Variants in ULBP3 observed in about 807,000 individuals in gnomAD.
ULBP3 encodes the protein UL16-binding protein 3.
A neutral mutation model predicts 24.9 loss-of-function variants in ULBP3; 25 were observed. That is an observed-to-expected ratio of 1.00 (90% CI 0.73 to 1.40). The LOEUF (loss-of-function observed/expected upper bound fraction) is 1.40. ULBP3 is among the 40% of genes most tolerant of loss of function. The pLI is 0.00. For missense variants in ULBP3, 306 were observed against 307.5 expected (o/e 1.00, Z 0.04); for synonymous variants, 114 against 114.7 (o/e 0.99, Z 0.04).
chr6:150,065,434 A>C lies in ULBP3; in HGVS notation c.592T>G (p.Phe198Val). The stretch of plus-strand genomic sequence containing the variant: ...AGCCTCTTCTTCCTGTGCATCAGGA[A>C]GTCCCTAAGCCAGCTCTTGCAGTCT... ...MRDCKSWLRD[F>V]LMHRKKRLEP... Residue 198 changes from phenylalanine to valine, a missense_variant, in exon 3 of 5, where the codon TTC (phenylalanine) becomes GTC (valine). Transcript: ENST00000367339. The C allele has an allele frequency of 6.2e-7, 1 of 1,614,160 alleles. No homozygotes were observed. The highest frequency in any genetic ancestry group is 8.5e-7 in the Non-Finnish European group (1 of 1,180,016).
Position 150,069,003 on chromosome 6 carries a change from C to G in ULBP3, c.64G>C (p.Asp22His), listed in dbSNP as rs1359987591. 3 of 1,612,016 alleles carry G rather than the reference C, an allele frequency of 1.9e-6. No individual in the cohort carries two copies. In the Admixed American group the frequency reaches 5.0e-5, roughly 27 times the overall value. Reference protein sequence around the residue: ...RLAILPYLLFDWSGTGRADAH... With the variant: ...RLAILPYLLFHWSGTGRADAH... Reference sequence around the variant, plus strand: ...CCGGCCCGCCCCGTCCCGGACCAGTCGAATAGCAGGTACGGAAGAATCGCG... The same window carrying G: ...CCGGCCCGCCCCGTCCCGGACCAGTGGAATAGCAGGTACGGAAGAATCGCG... The change falls in exon 1 of 5, where the codon GAC becomes CAC. Residue 22 changes from aspartate to histidine, a missense_variant. By Grantham distance (81) the Asp-to-His change is moderately conservative. Transcript: ENST00000367339.
In ULBP3 at chr6:150,064,672, T is replaced by C. The variant is rs150907952; in HGVS notation, c.670A>G (p.Ile224Val). 111 of 1,614,026 alleles carry C rather than the reference T, an allele frequency of 6.9e-5. 1 individual carries two copies. The highest frequency in any genetic ancestry group is 8.8e-5 in the Non-Finnish European group (104 of 1,179,996). ...MAPGLAQPKA[I>V]ATTLSPWSFL... ...CTCCAGGGACTGAGGGTGGTGGCTA[T>C]GGCTTTGGGTTGAGCTAAGCCTGGG... The change falls in exon 4 of 5, where the codon ATA becomes GTA. Residue 224 changes from isoleucine (I) to valine (V), a missense_variant. Ile to Val is a conservative substitution (Grantham distance 29). Coordinates refer to ENST00000367339, the MANE Select transcript of ULBP3 (RefSeq NM_024518.3).
At chr6:150,066,906 G>T (rs1582866497) in intron 1 of ULBP3, among the ~76,000 whole-genome samples, 1 of 152,196 alleles carries the variant, frequency 6.6e-6, no homozygotes, top group East Asian at 1.9e-4. Context: ...TTCCTGAAAT[G>T]GGCTCCCAGT....
At chr6:150,066,724 A>C (rs1229978511) in intron 1 of ULBP3, among the ~76,000 whole-genome samples, 1 of 152,180 alleles carries the variant, frequency 6.6e-6, no homozygotes, top group Admixed American at 6.5e-5. Context: ...CCCATGCCAG[A>C]GTGACTGCAG....
chr6:150,064,739 A>T (rs754145263), intron 3 of ULBP3, 26 bp from the exon 4 acceptor site: 1 of 1,610,736 alleles, frequency 6.2e-7, no homozygotes, highest in Non-Finnish European at 8.5e-7. Flanking sequence ...AAAAGTGACA[A>T]CTCTTGTCCA....
At chr6:150,067,210 C>T (rs1048806504) in intron 1 of ULBP3, among the ~76,000 whole-genome samples, 14 of 152,164 alleles carry the variant, frequency 9.2e-5, no homozygotes, top group Non-Finnish European at 1.9e-4. Context: ...TGAGCTCCCT[C>T]GCCCAGCTTT....
Position 150,065,902 on chromosome 6 carries a change from T to C in ULBP3, c.349A>G (p.Ser117Gly), listed in dbSNP as rs371894085. 3.3e-5 allele frequency: 53 copies of C among 1,613,994 alleles called. No homozygotes were observed. The highest frequency in any genetic ancestry group is 4.2e-5 in the Non-Finnish European group (50 of 1,180,048). Residue 117 changes from serine to glycine, a missense_variant, in exon 2 of 5, where the codon AGT becomes GGT. Ser to Gly is a moderately conservative substitution (Grantham distance 56). Transcript: ENST00000367339. ...GTCCTTGGTCTCTTTCACTCACCAC[T>C]GGGTGTGAAATCCTCCAGCTCAGTG... ...ADTELEDFTP[S>G]GPLTLQVRMS...
chr6:150,066,263 G>T, intron 1 of ULBP3, 101 bp from the exon 2 acceptor site: 1 of 1,350,498 alleles, frequency 7.4e-7, no homozygotes, highest in Non-Finnish European at 1.0e-6. Flanking sequence ...GGCTGGCAGA[G>T]CATGGATTTC....
rs1232082822 is a variant in ULBP3 at position 150,061,234 on chromosome 6, C to T, written c.*2140G>A. ...TCAGTTAACCCCATTTTTTGGAGGG[C>T]TCTATGTCATTTTATTTTACTTACG... On this transcript the variant is annotated 3_prime_UTR_variant, in exon 5 of 5. Coordinates refer to ENST00000367339, the MANE Select transcript of ULBP3 (RefSeq NM_024518.3). 6.6e-6 allele frequency among the ~76,000 whole-genome samples: 1 copy of T among 152,078 alleles called. No homozygotes were observed. The highest frequency in any genetic ancestry group is 1.5e-5 in the Non-Finnish European group (1 of 68,002).
chr6:150,066,355 C>T (rs147292164), intron 1 of ULBP3, among the ~76,000 whole-genome samples, 193 bp from the exon 2 acceptor site: 1 of 152,314 alleles, frequency 6.6e-6, no homozygotes, highest in African/African-American at 2.4e-5. Context: ...CAGGCCTATA[C>T]TCACATCCGT....
chr6:150,063,662 C>T (rs996627818), intron 4 of ULBP3, among the ~76,000 whole-genome samples: 2 of 152,226 alleles, frequency 1.3e-5, no homozygotes, highest in African/African-American at 4.8e-5. Flanking sequence ...CCTGGGGGAG[C>T]CCTGTCCAAA....
intron 1 of ULBP3, among the ~76,000 whole-genome samples, chr6:150,067,766 A>T (rs907604760): frequency 2.1e-4 from 32 of 152,302 alleles, no homozygotes; most frequent in Admixed American, 6.5e-4. Flanking sequence ...CTAAGATCCC[A>T]GAAGCATGTG....
In ULBP3 at chr6:150,061,699, A is replaced by G. The variant is rs1776275959; in HGVS notation, c.*1675T>C. Among the ~76,000 whole-genome samples, 1 of 152,240 alleles carries G rather than the reference A, an allele frequency of 6.6e-6. No homozygotes were observed. Among genetic ancestry groups the G allele is most frequent in the Non-Finnish European group, 1.5e-5 (1 of 68,038 alleles). On this transcript the variant is annotated 3_prime_UTR_variant, in exon 5 of 5. Transcript: ENST00000367339. ...ATTCTGTGTCCTTGCTAGTAAGAAT[A>G]GCACTGTAATGAACATATTGGTGCA...
chr6:150,065,420 C>T lies in ULBP3; in HGVS notation c.606G>A (p.Arg202=), dbSNP rs1776330546. Reference sequence around the variant, plus strand: ...TACCTGTGGGTTCCAGCCTCTTCTTCCTGTGCATCAGGAAGTCCCTAAGCC... The same window carrying T: ...TACCTGTGGGTTCCAGCCTCTTCTTTCTGTGCATCAGGAAGTCCCTAAGCC... ...KSWLRDFLMH[R]KKRLEPTAPP... is the part of the protein sequence containing the mutation. The change falls in exon 3 of 5, where the codon AGG becomes AGA. Residue 202 remains arginine (R), a synonymous_variant. Coordinates refer to ENST00000367339, the MANE Select transcript of ULBP3 (RefSeq NM_024518.3). 3.1e-6 allele frequency: 5 copies of T among 1,614,176 alleles called. No individual in the cohort carries two copies. Among genetic ancestry groups the T allele is most frequent in the Admixed American group, 1.7e-5 (1 of 60,026 alleles).
intron 1 of ULBP3, 112 bp downstream of exon 1, chr6:150,068,867 C>A: frequency 8.7e-7 from 1 of 1,153,110 alleles, no homozygotes; most frequent in Admixed American, 2.8e-5. Context: ...GGGGGCAGTC[C>A]GGGGAGATCG....
At chr6:150,067,508 G>A (rs1282882983) in intron 1 of ULBP3, among the ~76,000 whole-genome samples, 2 of 152,240 alleles carry the variant, frequency 1.3e-5, no homozygotes, top group Admixed American at 6.5e-5. Flanking sequence ...GGACTTCTGT[G>A]TCAGGTCCAG....
chr6:150,065,266 C>A (rs1254301817), intron 3 of ULBP3, 132 bp downstream of exon 3: 80 of 1,294,630 alleles, frequency 6.2e-5, no homozygotes, highest in Non-Finnish European at 7.9e-5. Flanking sequence ...AACACACACT[C>A]ACACTCACAC....
chr6:150,064,752 C>T, intron 3 of ULBP3, 39 bp from the exon 4 acceptor site: 1 of 1,604,926 alleles, frequency 6.2e-7, no homozygotes. Context: ...CTTGTCCACG[C>T]TCCAAATCTG....
chr6:150,065,762 G>A (rs1776337145), intron 2 of ULBP3, 89 bp from the exon 3 acceptor site: 29 of 1,582,120 alleles, frequency 1.8e-5, no homozygotes, highest in Non-Finnish European at 2.5e-5. Flanking sequence ...TTCTCATCTG[G>A]TCCTGTTGTC....
Sources: gnomAD v4.1 joint callset for allele counts (sites outside exome capture counted in the v4.1 genomes callset) on GRCh38, gnomAD v4.1.1 for gene constraint, MANE v1.5 for transcripts, NCBI Gene and HGNC (gene_info 2026-07-23, HGNC 2026-07-21) for gene names.